ADAMTS19: variants seen among roughly 807,000 people sequenced by gnomAD.
ADAMTS19 encodes A disintegrin and metalloproteinase with thrombospondin motifs 19.
A neutral mutation model predicts 153.3 loss-of-function variants in ADAMTS19; 93 were observed. That is an observed-to-expected ratio of 0.61 (90% CI 0.51 to 0.72). The LOEUF (loss-of-function observed/expected upper bound fraction) is 0.72. Among genes scored for constraint, ADAMTS19 ranks in the 30% least tolerant of loss-of-function variants. The pLI is 0.00. For synonymous variants in ADAMTS19, 600 were observed against 556.6 expected (o/e 1.08, Z -1.10); for missense variants, 1,482 against 1,552.1 (o/e 0.95, Z 0.76).
At chr5:129,523,260 T>G (rs962049691) in intron 3 of ADAMTS19, among the ~76,000 whole-genome samples, 1 of 152,174 alleles carries the variant, frequency 6.6e-6, no homozygotes, top group Non-Finnish European at 1.5e-5. Context: ...AGATTAGAAC[T>G]GTGAGAACAC....
In ADAMTS19 at chr5:129,486,197, C is replaced by A. The variant is rs151297416; in HGVS notation, c.748-22880C>A. ...ATCTAAGGAAGAAGTACTAGAAATT[C>A]TTTAAGAAATTTGAAAGGAGGGAAC... On this transcript the variant is annotated intron_variant, in intron 2 of 22. Coordinates refer to ENST00000274487, the MANE Select transcript of ADAMTS19 (RefSeq NM_133638.6). Among the ~76,000 whole-genome samples, 441 of 152,188 alleles carry A rather than the reference C, an allele frequency of 2.9e-3. 3 individuals are homozygous for A. Among genetic ancestry groups the A allele is most frequent in the African/African-American group, 9.9e-3 (412 of 41,540 alleles).
At chr5:129,694,994 A>G (rs1032435280) in intron 19 of ADAMTS19, 139 bp downstream of exon 19, 5 of 1,124,200 alleles carry the variant, frequency 4.4e-6, no homozygotes, top group Non-Finnish European at 6.0e-6. Flanking sequence ...AAAGTCTTAA[A>G]TAAGCAAGAT....
At chr5:129,595,180 C>T (rs1190417239) in intron 7 of ADAMTS19, among the ~76,000 whole-genome samples, 5 of 152,060 alleles carry the variant, frequency 3.3e-5, no homozygotes, top group African/African-American at 4.8e-5. Flanking sequence ...TGACATTCTG[C>T]GTGAAGGTTT....
chr5:129,671,681 T>C (rs948217243), intron 16 of ADAMTS19, among the ~76,000 whole-genome samples: 1 of 151,540 alleles, frequency 6.6e-6, no homozygotes, highest in Non-Finnish European at 1.5e-5. Context: ...TTAAACTGTA[T>C]TCTTAATTGC....
At chr5:129,588,979 T>A (rs950474560) in intron 7 of ADAMTS19, among the ~76,000 whole-genome samples, 1 of 151,902 alleles carries the variant, frequency 6.6e-6, no homozygotes, top group Non-Finnish European at 1.5e-5. Context: ...TTTTCCCCTA[T>A]TATTTTGCTA....
intron 6 of ADAMTS19, among the ~76,000 whole-genome samples, chr5:129,547,359 G>A (rs1752898548): frequency 6.6e-6 from 1 of 150,806 alleles, no homozygotes; most frequent in Non-Finnish European, 1.5e-5. Flanking sequence ...TTTTAGTGCA[G>A]TAAAGCCCAT....
chr5:129,648,676 A>G (rs1753176688), intron 12 of ADAMTS19, 122 bp from the exon 13 acceptor site: 1 of 676,254 alleles, frequency 1.5e-6, no homozygotes, highest in African/African-American at 1.9e-5. Context: ...TAATGTGTCC[A>G]AGTTTTCAAA....
chr5:129,578,602 A>G (rs1378860411), intron 7 of ADAMTS19, among the ~76,000 whole-genome samples: 1 of 150,274 alleles, frequency 6.7e-6, no homozygotes, highest in African/African-American at 2.5e-5. Flanking sequence ...CTTAACCCCC[A>G]CCCCTTGAAG....
intron 11 of ADAMTS19, among the ~76,000 whole-genome samples, chr5:129,643,383 A>AAAAAAAAAAG (rs1561622465): frequency 9.2e-6 from 1 of 108,342 alleles, no homozygotes. Context: ...AAAAAAAAAA[A>AAAAAAAAAAG]AAAGAAAAAA....
At chr5:129,536,126 A>G (rs1471784704) in intron 6 of ADAMTS19, among the ~76,000 whole-genome samples, 1 of 152,202 alleles carries the variant, frequency 6.6e-6, no homozygotes, top group Non-Finnish European at 1.5e-5. Context: ...TGAACAGGCA[A>G]CCTACACAAT....
chr5:129,693,465 G>C (rs1467304339), intron 18 of ADAMTS19, among the ~76,000 whole-genome samples: 1 of 152,152 alleles, frequency 6.6e-6, no homozygotes, highest in Non-Finnish European at 1.5e-5. Context: ...TGAACCAGCA[G>C]ACTTGTGATG....
chr5:129,564,269 G>C (rs757025207), intron 7 of ADAMTS19, among the ~76,000 whole-genome samples: 12 of 152,086 alleles, frequency 7.9e-5, no homozygotes, highest in Admixed American at 2.0e-4. Context: ...AGAGAACCCA[G>C]TCACGCCCAC....
intron 6 of ADAMTS19, among the ~76,000 whole-genome samples, chr5:129,535,095 A>T (rs1396122328): frequency 6.6e-6 from 1 of 152,206 alleles, no homozygotes; most frequent in Admixed American, 6.5e-5. Context: ...AATAAAGGGC[A>T]TTCAATTAGG....
At chr5:129,720,653 C>T (rs1421184833) in intron 21 of ADAMTS19, among the ~76,000 whole-genome samples, 2 of 152,148 alleles carry the variant, frequency 1.3e-5, no homozygotes, top group African/African-American at 4.8e-5. Context: ...CAAAAATTAG[C>T]ATGCGGGACA....
chr5:129,657,493 C>T (rs1040466542), intron 14 of ADAMTS19, among the ~76,000 whole-genome samples: 11 of 152,204 alleles, frequency 7.2e-5, no homozygotes, highest in African/African-American at 2.2e-4. Context: ...AAATCCTGCC[C>T]TTTGAGTATG....
At chr5:129,607,139 A>G (rs1381581629) in intron 8 of ADAMTS19, among the ~76,000 whole-genome samples, 1 of 151,322 alleles carries the variant, frequency 6.6e-6, no homozygotes, top group South Asian at 2.1e-4. Flanking sequence ...CTGGTCTTGA[A>G]CTCCTGACCT....
chr5:129,678,941 G>C (rs1327263238), intron 16 of ADAMTS19, among the ~76,000 whole-genome samples: 4 of 152,052 alleles, frequency 2.6e-5, no homozygotes, highest in African/African-American at 7.2e-5. Context: ...ATGTCTTTAG[G>C]AAAGACAGTA....
chr5:129,461,065 A>T lies in ADAMTS19; in HGVS notation c.92-37A>T. On this transcript the variant is annotated intron_variant, in intron 1 of 22. Coordinates refer to ENST00000274487, the MANE Select transcript of ADAMTS19 (RefSeq NM_133638.6). The surrounding 1 kb of genome is among the most constrained non-coding windows in gnomAD (Gnocchi z 4.6). ...ATGTTTGTGCTACTGGAACCGCGGC[A>T]CTTTAAGCCCCGCACTTCTGTCTGC... The T allele has an allele frequency of 7.5e-7, 1 of 1,337,284 alleles. No homozygotes were observed. Among genetic ancestry groups the T allele is most frequent in the Non-Finnish European group, 9.5e-7 (1 of 1,049,078 alleles). The allele number at this position is 1,337,284 out of a possible 1,614,324, so 82.8% of individuals were successfully genotyped here. A position where few individuals can be genotyped will look rare whatever the true frequency, so the allele number is the denominator to read the frequency against.
chr5:129,615,776 G>A (rs1581149537), intron 8 of ADAMTS19, among the ~76,000 whole-genome samples: 1 of 151,932 alleles, frequency 6.6e-6, no homozygotes, highest in African/African-American at 2.4e-5. Flanking sequence ...TTGAAAAGGG[G>A]CAGATAAGTA....
Sources: gnomAD v4.1 joint callset for allele counts (sites outside exome capture counted in the v4.1 genomes callset) on GRCh38, gnomAD v4.1.1 for gene constraint, Gnocchi (gnomAD v3.1) non-coding constraint, MANE v1.5 for transcripts, NCBI Gene and HGNC (gene_info 2026-07-23, HGNC 2026-07-21) for gene names.